Variants in ADGRG6 observed in about 807,000 individuals in gnomAD.
The protein encoded by ADGRG6 is adhesion G protein-coupled receptor G6, also known as G-protein coupled receptor 126.
A neutral mutation model predicts 142.4 loss-of-function variants in ADGRG6; 84 were observed. The observed-to-expected ratio is 0.59, with a 90% CI of 0.49 to 0.71. ADGRG6 has a LOEUF of 0.71. Among genes scored for constraint, ADGRG6 ranks in the 30% least tolerant of loss-of-function variants. The probability of loss-of-function intolerance (pLI) is 0.00; values close to 1 mark genes in which losing one functional copy is unlikely to be tolerated. For synonymous variants in ADGRG6, 521 were observed against 520.5 expected, an observed-to-expected ratio of 1.00 and a Z score of -0.01; for missense variants, 1,367 against 1,466.6, an observed-to-expected ratio of 0.93 and a Z score of 1.11.
rs28461686 is a variant in ADGRG6 at position 142,309,521 on chromosome 6, A to G, written c.3-23A>G. ...GCTTTACTGAATGTTGAATGTCCTA[A>G]TTGCCATCTTCTTTCTTTGCAGGAT... is the stretch of plus-strand genomic sequence containing the variant. On this transcript the variant is annotated intron_variant, in intron 1 of 24. Transcript: ENST00000367609. 7,260 of 1,545,408 alleles carry G rather than the reference A, an allele frequency of 4.7e-3. 247 individuals carry two copies. In the African/African-American group the frequency reaches 0.078, roughly 17 times the overall value.
At chr6:142,379,110 G>A (rs556195141) in intron 4 of ADGRG6, among the ~76,000 whole-genome samples, 26 of 152,112 alleles carry the variant, frequency 1.7e-4, no homozygotes, top group African/African-American at 5.1e-4. Context: ...CTCAGTTTCC[G>A]TTACTGGACT....
chr6:142,335,010 T>A (rs186821851), intron 2 of ADGRG6, among the ~76,000 whole-genome samples: 360 of 152,328 alleles, frequency 2.4e-3, no homozygotes, highest in African/African-American at 8.1e-3. Context: ...CAAAAGCATG[T>A]CTAGAAAGAG....
intron 2 of ADGRG6, among the ~76,000 whole-genome samples, chr6:142,315,083 A>G (rs919874159): frequency 1.3e-5 from 2 of 151,552 alleles, no homozygotes; most frequent in African/African-American, 4.9e-5. Flanking sequence ...TTCCAATTTT[A>G]GCGGGTACTT....
At chr6:142,344,019 A>G (rs550723282) in intron 2 of ADGRG6, among the ~76,000 whole-genome samples, 1 of 152,102 alleles carries the variant, frequency 6.6e-6, no homozygotes, top group Admixed American at 6.6e-5. Context: ...CTGTTGAACA[A>G]CAGTTACAGT....
chr6:142,430,922 A>G (rs932162436), intron 22 of ADGRG6, among the ~76,000 whole-genome samples: 1 of 152,118 alleles, frequency 6.6e-6, no homozygotes, highest in Non-Finnish European at 1.5e-5. Context: ...GGAGTATTAG[A>G]CAAGTTGGCA....
At chr6:142,397,592 C>A in intron 9 of ADGRG6, 21 bp from the exon 10 acceptor site, 1 of 1,604,970 alleles carries the variant, frequency 6.2e-7, no homozygotes, top group South Asian at 1.1e-5. Flanking sequence ...AACAACAGTT[C>A]TATCCGAAAT....
chr6:142,383,660 C>A, intron 5 of ADGRG6, 100 bp from the exon 6 acceptor site: 1 of 657,614 alleles, frequency 1.5e-6, no homozygotes, highest in East Asian at 2.6e-5. Flanking sequence ...GGTTTCCATT[C>A]TTCCCCTATA....
intron 2 of ADGRG6, among the ~76,000 whole-genome samples, chr6:142,358,614 A>G (rs1007679630): frequency 6.6e-6 from 1 of 152,206 alleles, no homozygotes; most frequent in African/African-American, 2.4e-5. Flanking sequence ...AAGGCTTTAA[A>G]AAGTATCTGT....
chr6:142,360,434 C>T (rs1244659460), intron 2 of ADGRG6, among the ~76,000 whole-genome samples: 2 of 152,086 alleles, frequency 1.3e-5, no homozygotes, highest in Non-Finnish European at 2.9e-5. Context: ...TGGCTTGAGG[C>T]ACACTTGGTT....
chr6:142,426,316 T>G lies in ADGRG6; in HGVS notation c.3319+6212T>G, dbSNP rs578070377. On this transcript the variant is annotated intron_variant, in intron 22 of 24. Transcript: ENST00000367609. ...AATACTGCTGTTGCAATGGGAGAAATTGGCCAAAATAAAGGGGCTACAGGC... is the reference window on the plus strand; with the variant it reads ...AATACTGCTGTTGCAATGGGAGAAAGTGGCCAAAATAAAGGGGCTACAGGC... Among the ~76,000 whole-genome samples, 36 of 151,908 alleles carry G rather than the reference T, an allele frequency of 2.4e-4. No homozygotes were observed. The East Asian group carries it at 7.0e-3, about 29-fold the overall frequency.
At chr6:142,435,557 T>G (rs1215462566) in intron 22 of ADGRG6, among the ~76,000 whole-genome samples, 2 of 150,800 alleles carry the variant, frequency 1.3e-5, no homozygotes, top group Non-Finnish European at 3.0e-5. Context: ...ATGTAAGCAT[T>G]CAATTAACTC....
At chr6:142,348,509 T>C (rs1371316609) in intron 2 of ADGRG6, among the ~76,000 whole-genome samples, 1 of 152,196 alleles carries the variant, frequency 6.6e-6, no homozygotes, top group East Asian at 1.9e-4. Flanking sequence ...CCTGACATCA[T>C]TTGGAAATAT....
chr6:142,304,406 G>A (rs1012571022), intron 1 of ADGRG6, among the ~76,000 whole-genome samples: 26 of 152,054 alleles, frequency 1.7e-4, no homozygotes, highest in South Asian at 2.1e-4. Flanking sequence ...GCATTAATTC[G>A]TCTCAAGCTG....
intron 22 of ADGRG6, among the ~76,000 whole-genome samples, chr6:142,428,193 GTCTA>G (rs549738639): frequency 2.6e-4 from 40 of 152,104 alleles, no homozygotes; most frequent in South Asian, 6.2e-4. Context: ...AATTTGAAGA[GTCTA>G]TCTATAAAAT....
intron 1 of ADGRG6, among the ~76,000 whole-genome samples, chr6:142,303,147 A>G (rs989210441): frequency 1.3e-5 from 2 of 152,178 alleles, no homozygotes; most frequent in African/African-American, 4.8e-5. Flanking sequence ...TTCTTGTAAT[A>G]GGTAATTTTC....
intron 2 of ADGRG6, among the ~76,000 whole-genome samples, chr6:142,359,423 A>G (rs1450503953): frequency 6.6e-6 from 1 of 152,040 alleles, no homozygotes; most frequent in Admixed American, 6.6e-5. Context: ...CTAAATCTTA[A>G]GTTACTTGAA....
intron 22 of ADGRG6, among the ~76,000 whole-genome samples, chr6:142,429,689 C>T (rs1325213641): frequency 2.0e-5 from 3 of 152,136 alleles, no homozygotes; most frequent in Non-Finnish European, 4.4e-5. Flanking sequence ...ATCAGTGGTA[C>T]CTAGAGTGTG....
chr6:142,419,978 A>G lies in ADGRG6; in HGVS notation c.3193A>G (p.Arg1065Gly). The change falls in exon 22 of 25, where the codon AGG (arginine) becomes GGG (glycine). Residue 1065 changes from arginine (R) to glycine (G), a missense_variant. Physicochemically the swap from Arg to Gly is moderately radical, Grantham distance 125. Transcript: ENST00000367609. ...CCGGACCCTGAGAGAAGAAGTGTTAAGGAACCTGCGCAGTGTGGTTAGCTT... is the reference window on the plus strand; with the variant it reads ...CCGGACCCTGAGAGAAGAAGTGTTAGGGAACCTGCGCAGTGTGGTTAGCTT... Reference protein sequence around the residue: ...SNRTLREEVLRNLRSVVSLTF... With the variant: ...SNRTLREEVLGNLRSVVSLTF... 6.2e-7 allele frequency: 1 copy of G among 1,613,652 alleles called. No individual in the cohort carries two copies. Among genetic ancestry groups the G allele is most frequent in the Non-Finnish European group, 8.5e-7 (1 of 1,179,658 alleles).
At chr6:142,404,959 T>G (rs1409932174) in intron 14 of ADGRG6, among the ~76,000 whole-genome samples, 1 of 152,170 alleles carries the variant, frequency 6.6e-6, no homozygotes, top group Admixed American at 6.5e-5. Flanking sequence ...CAGGCACTAT[T>G]AGCCACCAGA....
Sources: gnomAD v4.1 joint callset for allele counts (sites outside exome capture counted in the v4.1 genomes callset) on GRCh38, gnomAD v4.1.1 for gene constraint, MANE v1.5 for transcripts, NCBI Gene and HGNC (gene_info 2026-07-23, HGNC 2026-07-21) for gene names.